Variants in GALNT7 observed in about 807,000 individuals in gnomAD.
GALNT7 encodes polypeptide N-acetylgalactosaminyltransferase 7.
In GALNT7, 60 loss-of-function variants were observed where a neutral mutation model predicts 82.1. The observed-to-expected ratio is 0.73, with a 90% CI of 0.59 to 0.91. GALNT7 has a LOEUF of 0.91. Ranked by LOEUF, GALNT7 falls within the 40% of genes least tolerant of loss-of-function variation. The pLI is 0.00. For missense variants in GALNT7, 660 were observed against 804.2 expected (o/e 0.82, Z 2.17); for synonymous variants, 243 against 275.1 (o/e 0.88, Z 1.15).
At chr4:173,253,183 T>C (rs7679237) in intron 2 of GALNT7, among the ~76,000 whole-genome samples, 1 of 152,006 alleles carries the variant, frequency 6.6e-6, no homozygotes, top group Non-Finnish European at 1.5e-5. Context: ...GCCTGAGTGA[T>C]AGAGTGAGAG....
intron 5 of GALNT7, among the ~76,000 whole-genome samples, chr4:173,296,682 C>T (rs563908047): frequency 2.0e-5 from 3 of 152,204 alleles, no homozygotes; most frequent in South Asian, 2.1e-4. Flanking sequence ...CCAAGGCCTC[C>T]CTGGGAAAGT....
rs1384834970 is a variant in GALNT7, at chr4:173,320,286, A to G, written c.1837-1294A>G. On this transcript the variant is annotated intron_variant, in intron 11 of 11. Transcript: ENST00000265000. The surrounding 1 kb of genome is among the most constrained non-coding windows in gnomAD (Gnocchi z 4.1). ...CAAATTGCTTTTGTTTATATAGGTTATCACTAGCAATATTTCCAGAACTGG... is the reference window on the plus strand; with the variant it reads ...CAAATTGCTTTTGTTTATATAGGTTGTCACTAGCAATATTTCCAGAACTGG... Among the ~76,000 whole-genome samples, 1 of 152,198 alleles carries G rather than the reference A, an allele frequency of 6.6e-6. No individual in the cohort carries two copies. Among genetic ancestry groups the G allele is most frequent in the East Asian group, 1.9e-4 (1 of 5,178 alleles).
chr4:173,298,219 A>AT lies in GALNT7; in HGVS notation c.1072dup (p.Trp358LeufsTer23). The AT allele has an allele frequency of 3.1e-6, 5 of 1,613,110 alleles. No homozygotes were observed. Among genetic ancestry groups the AT allele is most frequent in the Non-Finnish European group, 4.2e-6 (5 of 1,179,366 alleles). On this transcript the variant is annotated frameshift_variant, in exon 6 of 12. Transcript: ENST00000265000. LOFTEE classifies it high-confidence loss of function. ...GATGGGTATGCCCGAGGAGCATGGG[A>AT]TTGGAGTATGCTCTGGAAACGGGTG... is the stretch of plus-strand genomic sequence containing the variant.
intron 1 of GALNT7, among the ~76,000 whole-genome samples, chr4:173,202,729 A>C (rs978631861): frequency 6.6e-6 from 1 of 152,012 alleles, no homozygotes; most frequent in African/African-American, 2.4e-5. Context: ...AATACAGACT[A>C]TTTGCTTGCT....
intron 3 of GALNT7, among the ~76,000 whole-genome samples, chr4:173,295,029 A>AAACC (rs911280785): frequency 7.6e-4 from 116 of 152,208 alleles, no homozygotes; most frequent in African/African-American, 2.7e-3. Flanking sequence ...GCATCTTCAG[A>AAACC]AACCCTAACC....
intron 1 of GALNT7, among the ~76,000 whole-genome samples, chr4:173,173,003 G>A (rs980210549): frequency 2.6e-5 from 4 of 152,106 alleles, no homozygotes; most frequent in Non-Finnish European, 5.9e-5. Flanking sequence ...AGTCCTGGTG[G>A]GGGTCATCAT....
chr4:173,169,066 C>G, intron 1 of GALNT7, 105 bp downstream of exon 1: 1 of 1,116,694 alleles, frequency 9.0e-7, no homozygotes. Flanking sequence ...ACGGCGTGGG[C>G]ACCGCAGCTC....
rs1554022010 is a variant in GALNT7, at chr4:173,216,727, A to ATTTTTTTTTTTTTTTTTT, written c.127-31251_127-31234dup. ...TATTCATATATATATATATATATAT[A>ATTTTTTTTTTTTTTTTTT]TTTTTTTTTTTTTTTTTTTGGAGAC... On this transcript the variant is annotated intron_variant, in intron 1 of 11. Transcript: ENST00000265000. 3.1e-4 allele frequency among the ~76,000 whole-genome samples: 4 copies of ATTTTTTTTTTTTTTTTTT among 12,980 alleles called. 1 individual carries two copies. The highest frequency in any genetic ancestry group is 5.5e-4 in the Non-Finnish European group (4 of 7,308). 8.5% of individuals were successfully genotyped at this position (12,980 alleles called of 152,430 possible).
chr4:173,193,246 A>G (rs1429429647), intron 1 of GALNT7, among the ~76,000 whole-genome samples: 2 of 152,222 alleles, frequency 1.3e-5, no homozygotes, highest in African/African-American at 2.4e-5. Flanking sequence ...CCTTATAACA[A>G]ACACTATTTT....
chr4:173,182,010 C>G (rs1732263895), intron 1 of GALNT7, among the ~76,000 whole-genome samples: 1 of 152,122 alleles, frequency 6.6e-6, no homozygotes, highest in East Asian at 1.9e-4. Flanking sequence ...TTGTAAGAAG[C>G]AGTTATCATC....
At position 173,243,827 on chromosome 4, in the gene GALNT7, C is replaced by T. The variant is rs76066069; in HGVS notation, c.127-4153C>T. The stretch of plus-strand genomic sequence containing the variant: ...GTGAATTCATAAGGTATTGCCAGTA[C>T]GGGTCTATCTGATTTAAGCCCTGCT... On this transcript the variant is annotated intron_variant, in intron 1 of 11. Transcript: ENST00000265000. Among the ~76,000 whole-genome samples the T allele has an allele frequency of 2.0e-3, 307 of 151,970 alleles. 2 individuals are homozygous for T. Among genetic ancestry groups the T allele is most frequent in the African/African-American group, 6.9e-3 (288 of 41,452 alleles).
chr4:173,182,933 C>G (rs965320246), intron 1 of GALNT7, among the ~76,000 whole-genome samples: 1 of 150,282 alleles, frequency 6.7e-6, no homozygotes, highest in Non-Finnish European at 1.5e-5. Context: ...AATACACACA[C>G]ACACACACAC....
In GALNT7 at chr4:173,316,582, A is replaced by G. The variant is rs1435896145; in HGVS notation, c.1609-1052A>G. 7 of 152,146 alleles carry G rather than the reference A, an allele frequency of 4.6e-5. No individual in the cohort carries two copies. The South Asian group carries it at 1.0e-3, about 23-fold the overall frequency. The allele number at this position is 152,146 out of a possible 1,614,324, so 9.4% of individuals were successfully genotyped here. On this transcript the variant is annotated intron_variant, in intron 9 of 11. Transcript: ENST00000265000. ...TGGGGTAGGTGTCTTTATTTTGTTC[A>G]CTAGTGTTTCAGAGCCTACAACATG...
chr4:173,198,143 T>A (rs1353429303), intron 1 of GALNT7, among the ~76,000 whole-genome samples: 1 of 151,364 alleles, frequency 6.6e-6, no homozygotes, highest in Non-Finnish European at 1.5e-5. Context: ...CACTGCAAGC[T>A]CCACCTTCCG....
At chr4:173,255,902 A>G (rs1735019239) in intron 2 of GALNT7, among the ~76,000 whole-genome samples, 1 of 152,222 alleles carries the variant, frequency 6.6e-6, no homozygotes, top group Admixed American at 6.5e-5. Flanking sequence ...TTCCAGAACC[A>G]TTAGATACAG....
Position 173,170,423 on chromosome 4 carries a change from C to T in GALNT7, c.126+1462C>T, listed in dbSNP as rs1306225558. Among the ~76,000 whole-genome samples, 10 of 152,172 alleles carry T rather than the reference C, an allele frequency of 6.6e-5. No individual in the cohort carries two copies. In the East Asian group the frequency reaches 1.9e-3, roughly 29 times the overall value. On this transcript the variant is annotated intron_variant, in intron 1 of 11. Coordinates refer to ENST00000265000, the MANE Select transcript of GALNT7 (RefSeq NM_017423.3). ...AAGAGTAAGAATCCTAGGAGGAGAT[C>T]CCATTATCAGCTCTTCGCCTATATC... is the stretch of plus-strand genomic sequence containing the variant.
At chr4:173,197,608 G>C (rs939304344) in intron 1 of GALNT7, among the ~76,000 whole-genome samples, 1 of 152,178 alleles carries the variant, frequency 6.6e-6, no homozygotes, top group Admixed American at 6.5e-5. Context: ...TCTAATCCCT[G>C]TTCTTGTGGG....
At chr4:173,220,258 C>A (rs950549968) in intron 1 of GALNT7, among the ~76,000 whole-genome samples, 4 of 152,242 alleles carry the variant, frequency 2.6e-5, no homozygotes, top group Admixed American at 2.6e-4. Flanking sequence ...GTCCTTTCCC[C>A]ACTTTATGTT....
intron 1 of GALNT7, among the ~76,000 whole-genome samples, chr4:173,214,187 A>G (rs1579917565): frequency 1.3e-5 from 2 of 152,070 alleles, no homozygotes; most frequent in South Asian, 4.1e-4. Context: ...TGATCATTAT[A>G]CTGTATATTC....
Sources: gnomAD v4.1 joint callset for allele counts (sites outside exome capture counted in the v4.1 genomes callset) on GRCh38, gnomAD v4.1.1 for gene constraint, Gnocchi (gnomAD v3.1) non-coding constraint, MANE v1.5 for transcripts, NCBI Gene and HGNC (gene_info 2026-07-23, HGNC 2026-07-21) for gene names.